The following CMTM7 variants were observed in gnomAD, a reference collection of about 807,000 sequenced individuals.
CMTM7 encodes CKLF like MARVEL transmembrane domain containing 7, also known as CKLF-like MARVEL transmembrane domain-containing protein 7.
CMTM7 carries 7 observed loss-of-function variants against 19.3 expected under a neutral mutation model. The ratio of observed to expected loss-of-function variants is 0.36; its 90% CI spans 0.21 to 0.68. CMTM7 has a LOEUF of 0.68. CMTM7 is among the 30% of genes least tolerant of loss of function. CMTM7 has a pLI of 0.60. For synonymous variants in CMTM7, 87 were observed against 99.3 expected, an observed-to-expected ratio of 0.88 and a Z score of 0.74; for missense variants, 193 against 232.6, an observed-to-expected ratio of 0.83 and a Z score of 1.11.
chr3:32,431,090 T>A (rs943967371), intron 1 of CMTM7, among the ~76,000 whole-genome samples: 33 of 152,104 alleles, frequency 2.2e-4, no homozygotes, highest in African/African-American at 7.7e-4. Context: ...AGCAGACAGG[T>A]AAAATATACA....
chr3:32,431,875 T>C (rs1696525086), intron 1 of CMTM7, among the ~76,000 whole-genome samples: 1 of 152,228 alleles, frequency 6.6e-6, no homozygotes, highest in Non-Finnish European at 1.5e-5. Context: ...CTCACGCCTG[T>C]AATCCCAACA....
At chr3:32,399,262 TG>T (rs1221278545) in intron 1 of CMTM7, among the ~76,000 whole-genome samples, 15 of 145,528 alleles carry the variant, frequency 1.0e-4, no homozygotes, top group East Asian at 4.0e-4. Context: ...TGGAACCTTT[TG>T]TTTTTTTTTT....
At chr3:32,393,963 A>G (rs1197029493) in intron 1 of CMTM7, among the ~76,000 whole-genome samples, 3 of 152,124 alleles carry the variant, frequency 2.0e-5, no homozygotes, top group Non-Finnish European at 4.4e-5. Context: ...CTGTTGTTCC[A>G]AAAAAGAGAA....
chr3:32,413,020 T>C (rs971901134), intron 1 of CMTM7, among the ~76,000 whole-genome samples: 7 of 152,176 alleles, frequency 4.6e-5, no homozygotes, highest in African/African-American at 1.7e-4. Context: ...TTTTCAGGGG[T>C]TGGCAAACTA....
At chr3:32,409,863 T>A (rs150472296) in intron 1 of CMTM7, among the ~76,000 whole-genome samples, 59 of 152,388 alleles carry the variant, frequency 3.9e-4, no homozygotes, top group African/African-American at 1.2e-3. Flanking sequence ...GTAGTTCAAG[T>A]TGAGCTTTGC....
chr3:32,411,818 C>T (rs1236504407), intron 1 of CMTM7, among the ~76,000 whole-genome samples: 3 of 152,220 alleles, frequency 2.0e-5, no homozygotes, highest in Non-Finnish European at 4.4e-5. Flanking sequence ...GTGGCTCACG[C>T]CTCTAATCCC....
rs1268560541 is a variant in CMTM7, at chr3:32,449,321, A to G, written c.334-133A>G. 6 of 738,292 alleles carry G rather than the reference A, an allele frequency of 8.1e-6. No individual in the cohort carries two copies. The highest frequency in any genetic ancestry group is 7.6e-5 in the South Asian group (5 of 65,782). The allele number at this position is 738,292 out of a possible 1,614,324, so 45.7% of individuals were successfully genotyped here. ...GCCTGCGAGCGGCTCTGCTCATCCC[A>G]TTTGCGTGTTGCAAGGGAGAAGAGG... On this transcript the variant is annotated intron_variant, in intron 2 of 4. Transcript: ENST00000334983. The surrounding 1 kb of genome is among the most constrained non-coding windows in gnomAD (Gnocchi z 4.5).
At chr3:32,419,363 C>T (rs1170437879) in intron 1 of CMTM7, among the ~76,000 whole-genome samples, 9 of 152,184 alleles carry the variant, frequency 5.9e-5, no homozygotes. Context: ...CTTTTCAATC[C>T]ATATGCCTCT....
rs78416132 is a variant in CMTM7 at position 32,418,911 on chromosome 3, A to G, written c.160-22929A>G. On this transcript the variant is annotated intron_variant, in intron 1 of 4. Transcript: ENST00000334983. ...TTAGAATCAGTTTTCCAATATTACA[A>G]AAATAACAGTAATAAAGCCTATCAC... 2.8e-3 allele frequency among the ~76,000 whole-genome samples: 431 copies of G among 152,352 alleles called. 3 individuals carry two copies. Among genetic ancestry groups the G allele is most frequent in the African/African-American group, 0.01 (422 of 41,588 alleles).
At chr3:32,445,424 T>C (rs147259760) in intron 2 of CMTM7, among the ~76,000 whole-genome samples, 1,748 of 152,338 alleles carry the variant, frequency 0.011, 44 homozygotes, top group African/African-American at 0.04. Flanking sequence ...TAAAAGAGTA[T>C]TAGATTTTGT....
intron 1 of CMTM7, among the ~76,000 whole-genome samples, chr3:32,435,965 C>T (rs347143): frequency 0.77 from 117,763 of 152,114 alleles, 45,853 homozygotes; most frequent in Non-Finnish European, 0.79. Context: ...TACCAGCTTC[C>T]TATGTGTCCT....
intron 1 of CMTM7, among the ~76,000 whole-genome samples, chr3:32,425,024 A>G (rs1336157474): frequency 6.6e-6 from 1 of 152,208 alleles, no homozygotes; most frequent in Non-Finnish European, 1.5e-5. Context: ...GGCAGGAAGC[A>G]GTGTCAGTGG....
At chr3:32,401,664 G>T (rs1696005847) in intron 1 of CMTM7, among the ~76,000 whole-genome samples, 1 of 152,218 alleles carries the variant, frequency 6.6e-6, no homozygotes, top group African/African-American at 2.4e-5. Context: ...TCTGCCTCGC[G>T]CCGGGCCCAG....
intron 2 of CMTM7, among the ~76,000 whole-genome samples, chr3:32,447,397 T>G (rs535173456): frequency 6.6e-6 from 1 of 152,340 alleles, no homozygotes; most frequent in East Asian, 1.9e-4. Flanking sequence ...ATTTGTATAT[T>G]ATACTTTTGC....
chr3:32,440,931 C>G (rs1696665248), intron 1 of CMTM7, among the ~76,000 whole-genome samples: 2 of 152,216 alleles, frequency 1.3e-5, no homozygotes, highest in South Asian at 4.1e-4. Flanking sequence ...ATTCTACTTT[C>G]TTGTACTCAT....
chr3:32,401,563 T>G (rs1338245899), intron 1 of CMTM7, among the ~76,000 whole-genome samples: 1 of 152,356 alleles, frequency 6.6e-6, no homozygotes, highest in Middle Eastern at 3.4e-3. Flanking sequence ...AAATTCCCGT[T>G]GCAGCGAAGG....
intron 1 of CMTM7, among the ~76,000 whole-genome samples, chr3:32,397,550 T>C (rs946491789): frequency 6.6e-6 from 1 of 151,536 alleles, no homozygotes; most frequent in Non-Finnish European, 1.5e-5. Context: ...CTGGCTAACA[T>C]GGTGAAACCC....
chr3:32,427,036 A>T (rs1036239913), intron 1 of CMTM7, among the ~76,000 whole-genome samples: 29 of 152,318 alleles, frequency 1.9e-4, no homozygotes, highest in Middle Eastern at 3.4e-3. Flanking sequence ...GATCACTTCT[A>T]TTATATAGGT....
chr3:32,408,626 G>T (rs989842307), intron 1 of CMTM7, among the ~76,000 whole-genome samples: 1 of 152,188 alleles, frequency 6.6e-6, no homozygotes, highest in Non-Finnish European at 1.5e-5. Flanking sequence ...TGGAAAGGAC[G>T]TTCCAAAGAA....
Sources: gnomAD v4.1 joint callset for allele counts (sites outside exome capture counted in the v4.1 genomes callset) on GRCh38, gnomAD v4.1.1 for gene constraint, Gnocchi (gnomAD v3.1) non-coding constraint, MANE v1.5 for transcripts, NCBI Gene and HGNC (gene_info 2026-07-23, HGNC 2026-07-21) for gene names.